The following GNB1L variants were observed in gnomAD, a reference collection of about 807,000 sequenced individuals.
GNB1L encodes G protein subunit beta 1 like.
In GNB1L, 20 loss-of-function variants were observed where a neutral mutation model predicts 29.1. The observed-to-expected ratio is 0.69, with a 90% CI of 0.48 to 1.00. The LOEUF is 1.00. Among genes scored for constraint, GNB1L ranks in the 50% least tolerant of loss-of-function variants. The pLI, the probability that GNB1L is intolerant of heterozygous loss-of-function variation, is 0.00. For synonymous variants in GNB1L, 193 were observed against 206.5 expected (o/e 0.93, Z 0.56); for missense variants, 421 against 464.9 (o/e 0.91, Z 0.87).
chr22:19,802,260 C>T, intron 6 of GNB1L, 44 bp from the exon 7 acceptor site: 1 of 1,521,796 alleles, frequency 6.6e-7, no homozygotes. Flanking sequence ...AGGACCCTGA[C>T]TCCAGTGAGT....
At chr22:19,827,728 T>C (rs946459850) in intron 2 of GNB1L, among the ~76,000 whole-genome samples, 1 of 152,196 alleles carries the variant, frequency 6.6e-6, no homozygotes. Flanking sequence ...TGGAACCTTC[T>C]ACCATGCTAG....
intron 7 of GNB1L, among the ~76,000 whole-genome samples, chr22:19,795,630 A>C (rs929245906): frequency 6.6e-6 from 1 of 152,286 alleles, no homozygotes; most frequent in African/African-American, 2.4e-5. Flanking sequence ...GAAATTAAAT[A>C]ACACACCCCC....
At chr22:19,819,858 C>T (rs779932491) in intron 4 of GNB1L, among the ~76,000 whole-genome samples, 40 of 152,264 alleles carry the variant, frequency 2.6e-4, no homozygotes, top group African/African-American at 7.5e-4. Flanking sequence ...CTCACTACCA[C>T]GCCCACTTCA....
chr22:19,851,444 A>G, intron 2 of GNB1L: 2 of 1,614,108 alleles, frequency 1.2e-6, no homozygotes, highest in Non-Finnish European at 8.5e-7. Flanking sequence ...AGAACTGGGC[A>G]GGACTGGGGG....
intron 7 of GNB1L, among the ~76,000 whole-genome samples, chr22:19,797,346 G>A (rs184433288): frequency 1.4e-4 from 21 of 152,220 alleles, no homozygotes; most frequent in Admixed American, 8.5e-4. Context: ...CACACGGGAG[G>A]GGGGGTGGGG....
intron 2 of GNB1L, among the ~76,000 whole-genome samples, chr22:19,839,418 C>G (rs1937819771): frequency 6.6e-6 from 1 of 152,084 alleles, no homozygotes; most frequent in Non-Finnish European, 1.5e-5. Context: ...TTTTTCCCTA[C>G]AGTGTACATA....
intron 6 of GNB1L, among the ~76,000 whole-genome samples, chr22:19,805,920 C>T (rs535260706): frequency 7.9e-5 from 12 of 152,322 alleles, no homozygotes; most frequent in South Asian, 2.1e-4. Flanking sequence ...AGTGAATGCA[C>T]GGGATCACTT....
At chr22:19,802,265 G>T (rs1350185383) in intron 6 of GNB1L, 49 bp from the exon 7 acceptor site, 3 of 1,482,986 alleles carry the variant, frequency 2.0e-6, no homozygotes, top group Non-Finnish European at 2.8e-6. Context: ...CCTGACTCCA[G>T]TGAGTTTCGG....
chr22:19,810,457 C>A (rs1937486345), intron 5 of GNB1L, among the ~76,000 whole-genome samples: 1 of 152,074 alleles, frequency 6.6e-6, no homozygotes, highest in African/African-American at 2.4e-5. Flanking sequence ...CAGGAGGGAG[C>A]GGGGGTGGCG....
At position 19,802,063 on chromosome 22, in the gene GNB1L, T is replaced by A. The variant is rs753443329; in HGVS notation, c.670A>T (p.Ile224Phe). 6.2e-7 allele frequency: 1 copy of A among 1,612,988 alleles called. No homozygotes were observed. Among genetic ancestry groups the A allele is most frequent in the East Asian group, 2.2e-5 (1 of 44,864 alleles). The change falls in exon 7 of 8, where the codon ATC becomes TTC. Residue 224 changes from isoleucine (I) to phenylalanine (F), a missense_variant. Coordinates refer to ENST00000329517, the MANE Select transcript of GNB1L (RefSeq NM_053004.3). ...LDFDSQKARG[I>F]SGSAGKALAV... The stretch of plus-strand genomic sequence containing the variant: ...AGCGCCTTCCCCGCGGAGCCTGAGA[T>A]GCCCCTGGCCTTCTGGGAGTCAAAG...
chr22:19,790,068 A>G (rs1318216931), intron 7 of GNB1L, among the ~76,000 whole-genome samples: 1 of 152,200 alleles, frequency 6.6e-6, no homozygotes, highest in Non-Finnish European at 1.5e-5. Flanking sequence ...TCAATTATAA[A>G]AACAACAGAC....
chr22:19,806,655 TTACCTGCCACAGCCGCAGGCACA>T lies in GNB1L; in HGVS notation c.497_516+3del, dbSNP rs1436936237. Reference sequence around the variant, plus strand: ...GGGCGTGGCTGGTGCACGCGGGGCCTTACCTGCCACAGCCGCAGGCACATGGGCATGCCCAGCTTGGCATCTGC... The same window carrying T: ...GGGCGTGGCTGGTGCACGCGGGGCCTTGGGCATGCCCAGCTTGGCATCTGC... On this transcript the variant is annotated splice_donor_variant and splice_donor_region_variant and coding_sequence_variant and intron_variant, in exon 6 of 8. Transcript: ENST00000329517. LOFTEE classifies it high-confidence loss of function. 6.3e-7 allele frequency: 1 copy of T among 1,598,996 alleles called. No individual in the cohort carries two copies. The highest frequency in any genetic ancestry group is 2.2e-5 in the East Asian group (1 of 44,738).
chr22:19,830,620 A>G (rs1309300558), intron 2 of GNB1L, among the ~76,000 whole-genome samples: 4 of 152,174 alleles, frequency 2.6e-5, no homozygotes, highest in Admixed American at 1.3e-4. Context: ...CTTCTCCCCA[A>G]ATTAATTTAT....
Position 19,821,987 on chromosome 22 carries a change from C to T in GNB1L, c.-20-612G>A, listed in dbSNP as rs75458623. ...AATCCAGTCTCCCTTCTTCTCTCCT[C>T]CCTGCTGCCACCTCTGCCCATGGCC... On this transcript the variant is annotated intron_variant, in intron 2 of 7. Transcript: ENST00000329517. Among the ~76,000 whole-genome samples, 610 of 152,314 alleles carry T rather than the reference C, an allele frequency of 4.0e-3. 3 individuals carry two copies. The highest frequency in any genetic ancestry group is 6.9e-3 in the Non-Finnish European group (466 of 68,016).
intron 5 of GNB1L, among the ~76,000 whole-genome samples, chr22:19,807,640 G>A (rs1468521103): frequency 1.3e-5 from 2 of 152,214 alleles, no homozygotes; most frequent in African/African-American, 4.8e-5. Flanking sequence ...ACCTTGGACA[G>A]AGCCTGGCAT....
chr22:19,815,051 A>G (rs1309815564), intron 4 of GNB1L, among the ~76,000 whole-genome samples: 1 of 151,704 alleles, frequency 6.6e-6, no homozygotes, highest in African/African-American at 2.4e-5. Flanking sequence ...AAAAAAAAAG[A>G]CCAAAATGTT....
At chr22:19,809,252 C>T (rs1416446577) in intron 5 of GNB1L, among the ~76,000 whole-genome samples, 1 of 151,930 alleles carries the variant, frequency 6.6e-6, no homozygotes, top group East Asian at 1.9e-4. Context: ...CCGACAGAGG[C>T]TGGCATGCTG....
intron 2 of GNB1L, chr22:19,847,606 G>A (rs1488090261): frequency 8.2e-6 from 8 of 979,206 alleles, no homozygotes; most frequent in Non-Finnish European, 9.7e-6. Flanking sequence ...AAACCCCCAT[G>A]TAGTGGTACC....
chr22:19,796,648 G>GA (rs1020487823), intron 7 of GNB1L, among the ~76,000 whole-genome samples: 8 of 152,140 alleles, frequency 5.3e-5, no homozygotes, highest in African/African-American at 1.4e-4. Flanking sequence ...GGAATATGGG[G>GA]AAAAAATAAT....
Sources: allele counts gnomAD v4.1 joint callset (sites outside exome capture counted in the v4.1 genomes callset), GRCh38; gene constraint gnomAD v4.1.1; transcripts MANE v1.5; gene names NCBI Gene and HGNC (gene_info 2026-07-23, HGNC 2026-07-21).